The following FHIT variants were observed in gnomAD, a reference collection of about 807,000 sequenced individuals.
FHIT encodes the protein bis(5'-adenosyl)-triphosphatase.
In FHIT, 19 loss-of-function variants were observed where a neutral mutation model predicts 17.9. That is an observed-to-expected ratio of 1.06 (90% CI 0.74 to 1.56). The LOEUF is 1.56. Ranked by LOEUF, FHIT falls within the 40% of genes most tolerant of loss-of-function variation. The pLI, the probability that FHIT is intolerant of heterozygous loss-of-function variation, is 0.00. For missense variants in FHIT, 248 were observed against 189.2 expected, an observed-to-expected ratio of 1.31 and a Z score of -1.82; for synonymous variants, 81 against 69.7, an observed-to-expected ratio of 1.16 and a Z score of -0.81.
chr3:60,860,469 T>TG, intron 3 of FHIT, among the ~76,000 whole-genome samples: 1 of 91,834 alleles, frequency 1.1e-5, no homozygotes, highest in Admixed American at 1.1e-4. Context: ...TACATATATA[T>TG]GTATATATGA....
At chr3:60,361,277 C>T (rs963566454) in intron 5 of FHIT, among the ~76,000 whole-genome samples, 3 of 152,002 alleles carry the variant, frequency 2.0e-5, no homozygotes, top group African/African-American at 4.8e-5. Flanking sequence ...ATAGGTTGAA[C>T]GAGACAAAAT....
At chr3:61,157,066 C>T (rs779931480) in intron 2 of FHIT, among the ~76,000 whole-genome samples, 2 of 152,104 alleles carry the variant, frequency 1.3e-5, no homozygotes, top group Non-Finnish European at 2.9e-5. Flanking sequence ...AAACCACAGA[C>T]TAAACATAAA....
chr3:59,844,650 A>G (rs1033721353), intron 8 of FHIT, among the ~76,000 whole-genome samples: 1 of 152,126 alleles, frequency 6.6e-6, no homozygotes, highest in Non-Finnish European at 1.5e-5. Context: ...AGAACCATCC[A>G]TACACTCCAA....
At chr3:60,466,183 T>C (rs1266201903) in intron 5 of FHIT, among the ~76,000 whole-genome samples, 1 of 152,100 alleles carries the variant, frequency 6.6e-6, no homozygotes, top group African/African-American at 2.4e-5. Flanking sequence ...TTTTTCAGAT[T>C]GTCCACTGTT....
chr3:60,056,812 G>T (rs958615455), intron 5 of FHIT, among the ~76,000 whole-genome samples: 1 of 152,194 alleles, frequency 6.6e-6, no homozygotes, highest in Non-Finnish European at 1.5e-5. Flanking sequence ...TTTTATCCTA[G>T]ATAAGGTGTT....
chr3:61,158,642 A>G (rs1390110403), intron 2 of FHIT, among the ~76,000 whole-genome samples: 1 of 152,114 alleles, frequency 6.6e-6, no homozygotes, highest in African/African-American at 2.4e-5. Context: ...TGCATTAATT[A>G]ATTAGAACTG....
intron 5 of FHIT, among the ~76,000 whole-genome samples, chr3:60,280,708 G>C (rs213364): frequency 0.93 from 142,093 of 152,152 alleles, 66,463 homozygotes; most frequent in East Asian, 0.99. Flanking sequence ...TGTCAGGGAA[G>C]AAATTTCTAT....
At chr3:60,227,000 C>G (rs1410365944) in intron 5 of FHIT, among the ~76,000 whole-genome samples, 1 of 152,150 alleles carries the variant, frequency 6.6e-6, no homozygotes, top group East Asian at 1.9e-4. Flanking sequence ...TCTCAATAAA[C>G]TAGCAGTTAG....
intron 4 of FHIT, among the ~76,000 whole-genome samples, chr3:60,660,862 A>T (rs1307034239): frequency 6.7e-6 from 1 of 148,574 alleles, no homozygotes; most frequent in African/African-American, 2.5e-5. Context: ...TATATATTGT[A>T]AATACTAGTT....
intron 4 of FHIT, among the ~76,000 whole-genome samples, chr3:60,542,624 T>G (rs963552682): frequency 2.0e-5 from 3 of 152,186 alleles, no homozygotes; most frequent in Non-Finnish European, 4.4e-5. Flanking sequence ...CTCCCTTCAA[T>G]TTTCTAATTT....
chr3:60,086,413 T>C (rs73830792), intron 5 of FHIT, among the ~76,000 whole-genome samples: 42,734 of 152,064 alleles, frequency 0.28, 6,237 homozygotes, highest in African/African-American at 0.33. Context: ...TGAAATACAA[T>C]TGTTTCATCT....
At chr3:60,238,315 T>C (rs1357122874) in intron 5 of FHIT, among the ~76,000 whole-genome samples, 3 of 151,904 alleles carry the variant, frequency 2.0e-5, no homozygotes, top group Non-Finnish European at 4.4e-5. Flanking sequence ...GAATGGCTAC[T>C]GTACTTACTC....
At chr3:60,542,524 G>C (rs1480377945) in intron 4 of FHIT, among the ~76,000 whole-genome samples, 1 of 151,972 alleles carries the variant, frequency 6.6e-6, no homozygotes, top group Non-Finnish European at 1.5e-5. Flanking sequence ...TACTTCATTT[G>C]TCTCTAATAG....
intron 7 of FHIT, among the ~76,000 whole-genome samples, chr3:59,931,475 T>C (rs1363393600): frequency 6.6e-6 from 1 of 152,156 alleles, no homozygotes; most frequent in African/African-American, 2.4e-5. Context: ...AAGAATCAAA[T>C]TAGTGGCCTG....
intron 1 of FHIT, among the ~76,000 whole-genome samples, chr3:61,219,969 T>G (rs1333288832): frequency 6.6e-6 from 1 of 152,202 alleles, no homozygotes; most frequent in African/African-American, 2.4e-5. Context: ...AAGGCAACAT[T>G]ACCTGGAACT....
At chr3:60,081,902 G>A (rs1054546709) in intron 5 of FHIT, among the ~76,000 whole-genome samples, 7 of 131,034 alleles carry the variant, frequency 5.3e-5, no homozygotes, top group Admixed American at 1.5e-4. Flanking sequence ...AACCACAAAC[G>A]TTAAGTGATT....
intron 5 of FHIT, among the ~76,000 whole-genome samples, chr3:60,091,900 C>T (rs1402468496): frequency 6.6e-6 from 1 of 152,048 alleles, no homozygotes; most frequent in Non-Finnish European, 1.5e-5. Context: ...CCAATTAAAC[C>T]TCTTTTCTTT....
intron 5 of FHIT, among the ~76,000 whole-genome samples, chr3:60,354,966 T>C (rs1699582875): frequency 6.6e-6 from 1 of 152,224 alleles, no homozygotes; most frequent in South Asian, 2.1e-4. Flanking sequence ...AAATTTATGT[T>C]TTAGTTATCA....
chr3:60,671,669 G>A (rs529024690), intron 4 of FHIT, among the ~76,000 whole-genome samples: 1 of 152,088 alleles, frequency 6.6e-6, no homozygotes, highest in South Asian at 2.1e-4. Context: ...GCCGGGTGCA[G>A]TGGCTCATGC....
Sources: allele counts gnomAD v4.1 joint callset (sites outside exome capture counted in the v4.1 genomes callset), GRCh38; gene constraint gnomAD v4.1.1; transcripts MANE v1.5; gene names NCBI Gene and HGNC (gene_info 2026-07-23, HGNC 2026-07-21).